The following CDH2 variants were observed in gnomAD, a reference collection of about 807,000 sequenced individuals.
CDH2 encodes the protein cadherin 2.
A neutral mutation model predicts 92.0 loss-of-function variants in CDH2; 17 were observed. The ratio of observed to expected loss-of-function variants is 0.18; its 90% CI spans 0.13 to 0.28. The LOEUF (loss-of-function observed/expected upper bound fraction) is 0.28. CDH2 is among the 10% of genes least tolerant of loss of function. CDH2 has a pLI of 1.00. For missense variants in CDH2, 862 were observed against 1,133.1 expected, an observed-to-expected ratio of 0.76 and a Z score of 3.44; for synonymous variants, 419 against 415.9, an observed-to-expected ratio of 1.01 and a Z score of -0.09.
rs1437455271 is a variant in CDH2 at position 27,977,506 on chromosome 18, G to A, written c.2349+5438C>T. ...TAAGATAAGAACTACCCTTGTAAAA[G>A]ACTACTTTGCTTTGTTTTCTTTGTA... is the stretch of plus-strand genomic sequence containing the variant. On this transcript the variant is annotated intron_variant, in intron 14 of 15. Coordinates refer to ENST00000269141, the MANE Select transcript of CDH2 (RefSeq NM_001792.5). Among the ~76,000 whole-genome samples, 5 of 152,112 alleles carry A rather than the reference G, an allele frequency of 3.3e-5. No homozygotes were observed. In the East Asian group the frequency reaches 9.6e-4, roughly 29 times the overall value.
chr18:27,973,319 G>A (rs2011720163), intron 14 of CDH2, among the ~76,000 whole-genome samples: 1 of 152,138 alleles, frequency 6.6e-6, no homozygotes, highest in Non-Finnish European at 1.5e-5. Flanking sequence ...GCCACTAAGA[G>A]GCACTTCTAT....
chr18:27,934,446 G>A lies in CDH2; in HGVS notation c.1152-1322C>T, dbSNP rs141506448. Among the ~76,000 whole-genome samples the A allele has an allele frequency of 2.6e-5, 4 of 151,632 alleles. No individual in the cohort carries two copies. The East Asian group carries it at 7.9e-4, about 30-fold the overall frequency. On this transcript the variant is annotated intron_variant, in intron 6 of 6. Coordinates refer to the CDH2 transcript ENST00000675173. ...TCTATCAGAATCAGAGTGGTTTATT[G>A]TCTCTTTGATACTGCAGGATTTTCT... is the stretch of plus-strand genomic sequence containing the variant.
chr18:28,108,098 CCTCT>C (rs2015352211), intron 2 of CDH2, among the ~76,000 whole-genome samples: 1 of 150,944 alleles, frequency 6.6e-6, no homozygotes, highest in Non-Finnish European at 1.5e-5. Flanking sequence ...ATTTTTTTTT[CCTCT>C]CTATTTGATA....
intron 9 of CDH2, 91 bp downstream of exon 9, chr18:27,992,564 T>TA: frequency 9.2e-7 from 1 of 1,092,018 alleles, no homozygotes; most frequent in Non-Finnish European, 1.3e-6. Context: ...AAAAACGTCC[T>TA]AAGTTTCCAT....
At chr18:28,023,206 C>T (rs2013457657) in intron 2 of CDH2, among the ~76,000 whole-genome samples, 1 of 152,100 alleles carries the variant, frequency 6.6e-6, no homozygotes, top group African/African-American at 2.4e-5. Context: ...ACAAGAGCTG[C>T]TATGTGAGTA....
intron 2 of CDH2, among the ~76,000 whole-genome samples, chr18:28,126,933 G>A (rs17494843): frequency 2.6e-5 from 4 of 152,102 alleles, no homozygotes; most frequent in Admixed American, 6.6e-5. Context: ...ATAAGGAAGC[G>A]TTCCATGTGA....
chr18:28,025,357 A>T (rs1222602268), intron 2 of CDH2, among the ~76,000 whole-genome samples: 2 of 151,982 alleles, frequency 1.3e-5, no homozygotes, highest in Non-Finnish European at 2.9e-5. Context: ...GTTTCTACTA[A>T]AATACAAAAA....
intron 15 of CDH2, among the ~76,000 whole-genome samples, chr18:27,957,222 C>T (rs2011272782): frequency 6.6e-6 from 1 of 151,872 alleles, no homozygotes; most frequent in Non-Finnish European, 1.5e-5. Flanking sequence ...GGAGTCATTC[C>T]TGTGGTCTCT....
intron 2 of CDH2, among the ~76,000 whole-genome samples, chr18:28,137,177 C>A (rs186102702): frequency 2.6e-3 from 397 of 152,224 alleles, no homozygotes; most frequent in African/African-American, 9.2e-3. Context: ...ACCTTCAACT[C>A]AGGTGAAATA....
intron 1 of CDH2, among the ~76,000 whole-genome samples, chr18:28,174,428 A>G (rs2016507718): frequency 6.6e-6 from 1 of 152,100 alleles, no homozygotes; most frequent in Non-Finnish European, 1.5e-5. Context: ...TGTTGCGTAA[A>G]CTGCTCTGCT....
intron 2 of CDH2, among the ~76,000 whole-genome samples, chr18:28,049,621 G>A (rs549866923): frequency 6.6e-6 from 1 of 152,224 alleles, no homozygotes; most frequent in South Asian, 2.1e-4. Context: ...AGGAAACAAA[G>A]CAAATGGATT....
At chr18:28,133,581 CA>C (rs765999292) in intron 2 of CDH2, among the ~76,000 whole-genome samples, 661 of 47,252 alleles carry the variant, frequency 0.014, no homozygotes, top group African/African-American at 0.033. Context: ...GACTCTGTCT[CA>C]AAAAAAAAAA....
chr18:28,034,579 C>A (rs1019517542), intron 2 of CDH2, among the ~76,000 whole-genome samples: 1 of 151,774 alleles, frequency 6.6e-6, no homozygotes, highest in South Asian at 2.1e-4. Context: ...CCTTCCAATA[C>A]GTTAAAAAAT....
intron 15 of CDH2, among the ~76,000 whole-genome samples, chr18:27,959,785 G>A (rs990365528): frequency 1.3e-5 from 2 of 152,034 alleles, no homozygotes; most frequent in African/African-American, 4.8e-5. Context: ...CCAACTCTAG[G>A]GGCATTTCTA....
intron 2 of CDH2, among the ~76,000 whole-genome samples, chr18:28,085,230 C>T (rs1030410275): frequency 2.6e-5 from 4 of 152,054 alleles, no homozygotes; most frequent in African/African-American, 7.2e-5. Flanking sequence ...CTCCCGCCAC[C>T]GGCCTTATCT....
At chr18:27,993,239 T>A (rs1271333487) in intron 8 of CDH2, among the ~76,000 whole-genome samples, 1 of 152,206 alleles carries the variant, frequency 6.6e-6, no homozygotes, top group African/African-American at 2.4e-5. Context: ...AGCATTTTGT[T>A]GTAACAGCAC....
intron 5 of CDH2, 71 bp from the exon 6 acceptor site, chr18:28,006,064 G>C: frequency 1.6e-6 from 2 of 1,232,734 alleles, no homozygotes; most frequent in South Asian, 3.0e-5. Flanking sequence ...ATCATCATAA[G>C]GCTACAAAAA....
chr18:28,052,744 A>C (rs1047215767), intron 2 of CDH2, among the ~76,000 whole-genome samples: 2 of 152,208 alleles, frequency 1.3e-5, no homozygotes, highest in Admixed American at 6.5e-5. Context: ...CAATATCACG[A>C]AACAGTTCAT....
intron 2 of CDH2, among the ~76,000 whole-genome samples, chr18:28,054,287 T>C (rs2014249509): frequency 6.6e-6 from 1 of 152,074 alleles, no homozygotes; most frequent in Non-Finnish European, 1.5e-5. Context: ...GGGTAAACCT[T>C]ACCAAAAATA....
Sources: allele counts gnomAD v4.1 joint callset (sites outside exome capture counted in the v4.1 genomes callset), GRCh38; gene constraint gnomAD v4.1.1; transcripts MANE v1.5; gene names NCBI Gene and HGNC (gene_info 2026-07-23, HGNC 2026-07-21).